KIFAP3: variants seen among roughly 807,000 people sequenced by gnomAD.
KIFAP3 encodes the protein kinesin associated protein 3.
In KIFAP3, 68 loss-of-function variants were observed where a neutral mutation model predicts 106.5. The ratio of observed to expected loss-of-function variants is 0.64; its 90% CI spans 0.53 to 0.78. The LOEUF (loss-of-function observed/expected upper bound fraction) is 0.78. Among genes scored for constraint, KIFAP3 ranks in the 30% least tolerant of loss-of-function variants. The pLI, the probability that KIFAP3 is intolerant of heterozygous loss-of-function variation, is 0.00. For synonymous variants in KIFAP3, 320 were observed against 311.5 expected, an observed-to-expected ratio of 1.03 and a Z score of -0.29; for missense variants, 780 against 941.8, an observed-to-expected ratio of 0.83 and a Z score of 2.25.
Position 170,057,244 on chromosome 1 carries a change from T to C in KIFAP3, c.33-1808A>G, listed in dbSNP as rs115647897. On this transcript the variant is annotated intron_variant, in intron 1 of 19. Transcript: ENST00000361580. ...CACTTTAAAATGGGTCTTTCACATA[T>C]TGGCAGCTGGGGGAATTGCATAATT... 7.4e-3 allele frequency among the ~76,000 whole-genome samples: 1,120 copies of C among 152,212 alleles called. 18 individuals are homozygous for C. The highest frequency in any genetic ancestry group is 0.024 in the African/African-American group (1,001 of 41,540).
At chr1:170,078,761 T>C (rs1671968839), upstream of KIFAP3, among the ~76,000 whole-genome samples, 1 of 152,210 alleles carries the variant, frequency 6.6e-6, no homozygotes, top group Non-Finnish European at 1.5e-5. Flanking sequence ...ATTTAGATAC[T>C]TTCTGAAAAT....
intron 10 of KIFAP3, among the ~76,000 whole-genome samples, chr1:170,005,483 T>G (rs1667902186): frequency 6.6e-6 from 1 of 151,550 alleles, no homozygotes; most frequent in Non-Finnish European, 1.5e-5. Context: ...ATAGACTGGA[T>G]TAAGAAAATG....
In KIFAP3 at chr1:170,034,491, GAAAAGCTTTAAAGAAGACATTTT is replaced by G. The variant is rs1396613211; in HGVS notation, c.618-18_622del. ...GTGAGTAATAAGTCCATGAAATTGA[GAAAAGCTTTAAAGAAGACATTTT>G]AATATATATTTAAAAGAATACATTT... is the stretch of plus-strand genomic sequence containing the variant. On this transcript the variant is annotated splice_acceptor_variant and splice_polypyrimidine_tract_variant and coding_sequence_variant and intron_variant, in exon 7 of 20. Transcript: ENST00000361580. LOFTEE classifies it high-confidence loss of function. 3 of 1,442,412 alleles carry G rather than the reference GAAAAGCTTTAAAGAAGACATTTT, an allele frequency of 2.1e-6. No individual in the cohort carries two copies. Among genetic ancestry groups the G allele is most frequent in the Non-Finnish European group, 2.9e-6 (3 of 1,052,240 alleles). The allele number at this position is 1,442,412 out of a possible 1,614,324, so 89.4% of individuals were successfully genotyped here. A position where few individuals can be genotyped will look rare whatever the true frequency, so the allele number is the denominator to read the frequency against.
chr1:170,064,085 G>A (rs1192865044), intron 1 of KIFAP3, among the ~76,000 whole-genome samples: 1 of 152,094 alleles, frequency 6.6e-6, no homozygotes, highest in Non-Finnish European at 1.5e-5. Flanking sequence ...GGAGTGGGAG[G>A]TATATAGATG....
Position 170,016,452 on chromosome 1 carries a change from A to G in KIFAP3, c.1183+10T>C. 1 of 1,585,552 alleles carries G rather than the reference A, an allele frequency of 6.3e-7. No individual in the cohort carries two copies. ...CAGACAACACTGTCATTAATTTCTA[A>G]AAAGCATACCTAGGAGTGCAGTGAG... On this transcript the variant is annotated intron_variant, in intron 10 of 19. Transcript: ENST00000361580.
chr1:170,029,181 A>G (rs1444002400), intron 8 of KIFAP3, among the ~76,000 whole-genome samples: 1 of 152,192 alleles, frequency 6.6e-6, no homozygotes, highest in Non-Finnish European at 1.5e-5. Flanking sequence ...ATTCATCAAT[A>G]GCACATCTAC....
intron 1 of KIFAP3, among the ~76,000 whole-genome samples, chr1:170,066,363 A>C (rs1380642244): frequency 6.6e-6 from 1 of 152,202 alleles, no homozygotes; most frequent in Non-Finnish European, 1.5e-5. Context: ...TGGTAAAACC[A>C]AAACAAGTTT....
intron 10 of KIFAP3, among the ~76,000 whole-genome samples, chr1:169,995,153 C>T (rs1667306635): frequency 6.6e-6 from 1 of 152,044 alleles, no homozygotes; most frequent in African/African-American, 2.4e-5. Flanking sequence ...CATTTTTATA[C>T]TGTTGAAGGC....
At position 170,015,315 on chromosome 1, in the gene KIFAP3, A is replaced by G. The variant is rs536026814; in HGVS notation, c.1183+1147T>C. On this transcript the variant is annotated intron_variant, in intron 10 of 19. Coordinates refer to ENST00000361580, the MANE Select transcript of KIFAP3 (RefSeq NM_014970.4). The stretch of plus-strand genomic sequence containing the variant: ...GAGAAGCTGACCTAATAGGTGACAC[A>G]TAATTATGTCAGATTTATAATAAGT... 3.9e-5 allele frequency among the ~76,000 whole-genome samples: 6 copies of G among 152,320 alleles called. No individual in the cohort carries two copies. The South Asian group carries it at 1.0e-3, about 26-fold the overall frequency.
chr1:169,977,262 T>C (rs1393914759), intron 16 of KIFAP3, among the ~76,000 whole-genome samples: 2 of 152,116 alleles, frequency 1.3e-5, no homozygotes, highest in Non-Finnish European at 2.9e-5. Context: ...ATGACAATGT[T>C]GTTATTCACA....
rs928224739 is a variant in KIFAP3, at chr1:169,921,495, C to A, written c.*181G>T. 1 of 516,464 alleles carries A rather than the reference C, an allele frequency of 1.9e-6. No homozygotes were observed. The highest frequency in any genetic ancestry group is 3.5e-6 in the Non-Finnish European group (1 of 287,354). The allele number at this position is 516,464 out of a possible 1,614,324, so 32.0% of individuals were successfully genotyped here. On this transcript the variant is annotated 3_prime_UTR_variant, in exon 20 of 20. Coordinates refer to ENST00000361580, the MANE Select transcript of KIFAP3 (RefSeq NM_014970.4). Reference sequence around the variant, plus strand: ...TTTGATGAGTGAACAATGTCAGTATCAACTGTACTTAACAGAAGACAGAGG... The same window carrying A: ...TTTGATGAGTGAACAATGTCAGTATAAACTGTACTTAACAGAAGACAGAGG...
chr1:170,073,551 T>G (rs1054222357), intron 1 of KIFAP3, among the ~76,000 whole-genome samples: 9 of 152,214 alleles, frequency 5.9e-5, no homozygotes, highest in Admixed American at 5.9e-4. Flanking sequence ...CTTTCGTCCT[T>G]GTATCTCTCA....
chr1:170,012,775 G>A (rs1221074528), intron 10 of KIFAP3, among the ~76,000 whole-genome samples: 1 of 152,036 alleles, frequency 6.6e-6, no homozygotes, highest in African/African-American at 2.4e-5. Flanking sequence ...AAAGACTGGG[G>A]AGGCCTCACA....
chr1:170,017,003 A>G (rs1293799823), intron 9 of KIFAP3, among the ~76,000 whole-genome samples: 1 of 152,224 alleles, frequency 6.6e-6, no homozygotes, highest in Non-Finnish European at 1.5e-5. Context: ...TCACGCCTGT[A>G]ATCCCAACAC....
chr1:170,010,922 A>G (rs988870106), intron 10 of KIFAP3, among the ~76,000 whole-genome samples: 41 of 152,102 alleles, frequency 2.7e-4, no homozygotes, highest in African/African-American at 9.4e-4. Flanking sequence ...TACACCTCTT[A>G]AAAAATAAGT....
chr1:169,989,094 A>T (rs551502528), intron 11 of KIFAP3, among the ~76,000 whole-genome samples: 1 of 152,190 alleles, frequency 6.6e-6, no homozygotes, highest in South Asian at 2.1e-4. Flanking sequence ...TGGTAAGAAA[A>T]TATGCACGGA....
intron 19 of KIFAP3, among the ~76,000 whole-genome samples, chr1:169,951,127 G>A (rs1385372581): frequency 6.6e-6 from 1 of 151,834 alleles, no homozygotes; most frequent in African/African-American, 2.4e-5. Flanking sequence ...TCCGTCTGTG[G>A]CTCTGCTGAT....
chr1:170,022,874 GAATA>G (rs1197413514), intron 9 of KIFAP3, among the ~76,000 whole-genome samples: 13 of 151,906 alleles, frequency 8.6e-5, no homozygotes, highest in African/African-American at 2.4e-4. Flanking sequence ...CTTTTTGATA[GAATA>G]AACACATAAT....
At chr1:169,984,958 C>T (rs549688415) in intron 11 of KIFAP3, among the ~76,000 whole-genome samples, 1 of 151,840 alleles carries the variant, frequency 6.6e-6, no homozygotes, top group East Asian at 1.9e-4. Flanking sequence ...AACATCTGTC[C>T]TTAAATAATT....
Sources: gnomAD v4.1 joint callset for allele counts (sites outside exome capture counted in the v4.1 genomes callset) on GRCh38, gnomAD v4.1.1 for gene constraint, MANE v1.5 for transcripts, NCBI Gene and HGNC (gene_info 2026-07-23, HGNC 2026-07-21) for gene names.